SS18L1: variants seen among roughly 807,000 people sequenced by gnomAD.
The protein encoded by SS18L1 is SS18L1 subunit of BAF chromatin remodeling complex, also known as calcium-responsive transactivator.
A neutral mutation model predicts 70.3 loss-of-function variants in SS18L1; 32 were observed. That is an observed-to-expected ratio of 0.46 (90% CI 0.34 to 0.61). The LOEUF is 0.61. Ranked by LOEUF, SS18L1 falls within the 20% of genes least tolerant of loss-of-function variation. The pLI is 0.01. For synonymous variants in SS18L1, 237 were observed against 229.7 expected (o/e 1.03, Z -0.29); for missense variants, 430 against 542.1 (o/e 0.79, Z 2.05).
At chr20:62,164,094 T>A (rs1232860363) in intron 6 of SS18L1, 51 bp from the exon 7 acceptor site, 2 of 1,507,126 alleles carry the variant, frequency 1.3e-6, no homozygotes, top group Non-Finnish European at 9.0e-7. Flanking sequence ...GCAGGTCCTC[T>A]GAGGGAGGAG....
rs1340090637 is a variant in SS18L1 at position 62,179,331 on chromosome 20, T to C, written c.*123T>C. 5.8e-5 allele frequency: 61 copies of C among 1,059,828 alleles called. No homozygotes were observed. The highest frequency in any genetic ancestry group is 6.7e-5 in the South Asian group (5 of 74,304). 65.7% of individuals were successfully genotyped at this position (1,059,828 alleles called of 1,614,324 possible). On this transcript the variant is annotated 3_prime_UTR_variant, in exon 11 of 11. Coordinates refer to ENST00000331758, the MANE Select transcript of SS18L1 (RefSeq NM_198935.3). ...CTGTTCGCCCAGTGCCACGTCTGCA[T>C]GTGAAGCGTGCTCATTTCATGCTGG... is the stretch of plus-strand genomic sequence containing the variant.
rs183451402 is a variant in SS18L1, at chr20:62,181,556, A to G, written c.*2348A>G. ...ACTTACCCCAAAACTTCAATCTGAA[A>G]TGTCTTACATTAAGAATATCTTGAA... On this transcript the variant is annotated 3_prime_UTR_variant, in exon 11 of 11. Coordinates refer to ENST00000331758, the MANE Select transcript of SS18L1 (RefSeq NM_198935.3). 4.7e-5 allele frequency: 10 copies of G among 212,948 alleles called. No homozygotes were observed. In the Admixed American group the frequency reaches 4.7e-4, roughly 10 times the overall value. The allele number at this position is 212,948 out of a possible 1,614,324, so 13.2% of individuals were successfully genotyped here.
intron 10 of SS18L1, among the ~76,000 whole-genome samples, chr20:62,176,809 GAC>G (rs748752733): frequency 1.2e-4 from 16 of 133,540 alleles, no homozygotes; most frequent in Non-Finnish European, 1.7e-4. Flanking sequence ...AAAAGAAAAA[GAC>G]ACAGAGCAAT....
At position 62,161,537 on chromosome 20, in the gene SS18L1, G is replaced by A. The variant is rs748755260; in HGVS notation, c.333G>A (p.Thr111=). The A allele has an allele frequency of 2.5e-6, 4 of 1,612,332 alleles. No homozygotes were observed. Among genetic ancestry groups the A allele is most frequent in the South Asian group, 2.2e-5 (2 of 91,064 alleles). Residue 111 remains threonine, a synonymous_variant, in exon 4 of 11, where the codon ACG becomes ACA. Coordinates refer to ENST00000331758, the MANE Select transcript of SS18L1 (RefSeq NM_198935.3). The surrounding 1 kb of genome is among the most constrained non-coding windows in gnomAD (Gnocchi z 4.4). The stretch of plus-strand genomic sequence containing the variant: ...GCAGCCTGAGTGACGCCATCAGCAC[G>A]GGCCTGCCACCCTCCTCCCTCCTGC... ...SQGSLSDAIS[T]GLPPSSLLQG...
At chr20:62,146,207 C>CCG (rs1470997938) in intron 1 of SS18L1, among the ~76,000 whole-genome samples, 1 of 152,212 alleles carries the variant, frequency 6.6e-6, no homozygotes, top group Non-Finnish European at 1.5e-5. Flanking sequence ...CTCACGTGTT[C>CCG]CGCGTCTCAT....
chr20:62,164,673 A>G (rs1365354178), intron 7 of SS18L1, among the ~76,000 whole-genome samples: 1 of 152,222 alleles, frequency 6.6e-6, no homozygotes, highest in African/African-American at 2.4e-5. Flanking sequence ...ATCTCTGCAG[A>G]GTATTTTACC....
chr20:62,172,435 A>G (rs1166629501), intron 8 of SS18L1, among the ~76,000 whole-genome samples: 2 of 152,032 alleles, frequency 1.3e-5, no homozygotes, highest in African/African-American at 4.8e-5. Flanking sequence ...AGCACATTTG[A>G]CCCGCGACGC....
rs890030604 is a variant in SS18L1, at chr20:62,174,260, G to A, written c.1037-257G>A. Among the ~76,000 whole-genome samples the A allele has an allele frequency of 3.3e-5, 5 of 152,004 alleles. No homozygotes were observed. The highest frequency in any genetic ancestry group is 7.4e-5 in the Non-Finnish European group (5 of 67,984). ...CCATCAGCCCTCGCCATGCTGGTGG[G>A]GGGCCTGGGGCACAGTCCTGGGACC... On this transcript the variant is annotated intron_variant, in intron 9 of 10. Transcript: ENST00000331758. This position sits in a 1 kb window ranked among gnomAD's most constrained non-coding sequence, Gnocchi z 4.1.
rs2057372767 is a variant in SS18L1, at chr20:62,163,605, A to G, written c.704A>G (p.Tyr235Cys). ...ATGGGGCAGCGGCCCATGGCGCCCT[A>G]CCGGCCCTCCCAGCAAGGTAACGCC... ...SMMGQRPMAP[Y>C]RPSQQGSSQQ... Residue 235 changes from tyrosine (Y) to cysteine (C), a missense_variant, in exon 6 of 11, where the codon TAC becomes TGC. Tyr to Cys is a radical substitution (Grantham distance 194). Coordinates refer to ENST00000331758, the MANE Select transcript of SS18L1 (RefSeq NM_198935.3). 4 of 1,597,440 alleles carry G rather than the reference A, an allele frequency of 2.5e-6. No homozygotes were observed. The highest frequency in any genetic ancestry group is 3.4e-6 in the Non-Finnish European group (4 of 1,174,678).
At chr20:62,169,595 A>G (rs759270072) in intron 8 of SS18L1, among the ~76,000 whole-genome samples, 2 of 152,198 alleles carry the variant, frequency 1.3e-5, no homozygotes, top group East Asian at 1.9e-4. Flanking sequence ...CCTGGCCACC[A>G]TGGTGAAACC....
At chr20:62,175,406 C>T (rs998578089) in intron 10 of SS18L1, 9 of 985,218 alleles carry the variant, frequency 9.1e-6, no homozygotes, top group East Asian at 1.1e-4. Context: ...GGTGGGAGCA[C>T]TGCAGGAGCG....
At chr20:62,177,446 C>T (rs1249312218) in intron 10 of SS18L1, among the ~76,000 whole-genome samples, 1 of 152,216 alleles carries the variant, frequency 6.6e-6, no homozygotes, top group Non-Finnish European at 1.5e-5. Context: ...AGAATCATCA[C>T]AGGCAGCTCT....
In SS18L1 at chr20:62,172,666, C is replaced by T. The variant is rs776940902; in HGVS notation, c.917-16C>T. 3.1e-6 allele frequency: 5 copies of T among 1,614,118 alleles called. No homozygotes were observed. In the South Asian group the frequency reaches 3.3e-5, roughly 11 times the overall value. ...CAGGTGGGGAAAGTCATTTCTGTGT[C>T]TCCTCCTCCCTCCAGGAAACTCCCA... On this transcript the variant is annotated splice_polypyrimidine_tract_variant and intron_variant, in intron 8 of 10. Transcript: ENST00000331758.
At position 62,158,375 on chromosome 20, in the gene SS18L1, T is replaced by G. The variant is rs1332153810; in HGVS notation, c.70-297T>G. Among the ~76,000 whole-genome samples the G allele has an allele frequency of 6.6e-6, 1 of 151,082 alleles. No individual in the cohort carries two copies. Among genetic ancestry groups the G allele is most frequent in the Non-Finnish European group, 1.5e-5 (1 of 67,818 alleles). Reference sequence around the variant, plus strand: ...GACAGTTTCGTATACAGAACAGGCGTAGCATCCGAGATCTGGAAATTTGAA... The same window carrying G: ...GACAGTTTCGTATACAGAACAGGCGGAGCATCCGAGATCTGGAAATTTGAA... On this transcript the variant is annotated intron_variant, in intron 1 of 10. Transcript: ENST00000331758. The surrounding 1 kb of genome is among the most constrained non-coding windows in gnomAD (Gnocchi z 4.5).
intron 1 of SS18L1, among the ~76,000 whole-genome samples, chr20:62,147,714 G>A (rs778435518): frequency 2.0e-5 from 3 of 152,106 alleles, no homozygotes; most frequent in Admixed American, 6.5e-5. Flanking sequence ...GGCCCCTGGG[G>A]CCGCCTGCTG....
intron 5 of SS18L1, 95 bp downstream of exon 5, chr20:62,163,026 C>T: frequency 4.0e-6 from 6 of 1,494,980 alleles, no homozygotes; most frequent in Non-Finnish European, 4.5e-6. Context: ...GGGAAGCTGC[C>T]CTCCTGCTGG....
At chr20:62,176,541 G>A (rs1003516487) in intron 10 of SS18L1, among the ~76,000 whole-genome samples, 3 of 152,060 alleles carry the variant, frequency 2.0e-5, no homozygotes, top group African/African-American at 4.8e-5. Context: ...AAGGCCAGGC[G>A]TGGGGGCTTA....
At position 62,161,815 on chromosome 20, in the gene SS18L1, G is replaced by A. The variant is rs1187957963; in HGVS notation, c.376+235G>A. ...TGTCCACTCTCTCTGACACTGTCAC[G>A]TTCCATCAAATTCAAATGCAAGTTG... On this transcript the variant is annotated intron_variant, in intron 4 of 10. Coordinates refer to ENST00000331758, the MANE Select transcript of SS18L1 (RefSeq NM_198935.3). The surrounding 1 kb of genome is among the most constrained non-coding windows in gnomAD (Gnocchi z 4.4). Among the ~76,000 whole-genome samples the A allele has an allele frequency of 1.3e-5, 2 of 152,226 alleles. No homozygotes were observed. Among genetic ancestry groups the A allele is most frequent in the Non-Finnish European group, 2.9e-5 (2 of 68,040 alleles).
intron 10 of SS18L1, chr20:62,175,287 C>A: frequency 1.0e-6 from 1 of 985,358 alleles, no homozygotes; most frequent in Non-Finnish European, 1.2e-6. Context: ...GTGAGGAGGC[C>A]GGTGTGGCGG....
Sources: allele counts gnomAD v4.1 joint callset (sites outside exome capture counted in the v4.1 genomes callset), GRCh38; gene constraint gnomAD v4.1.1; non-coding constraint Gnocchi (gnomAD v3.1); transcripts MANE v1.5; gene names NCBI Gene and HGNC (gene_info 2026-07-23, HGNC 2026-07-21).